The following TVP23C variants were observed in gnomAD, a reference collection of about 807,000 sequenced individuals.
The protein encoded by TVP23C is Golgi apparatus membrane protein TVP23 homolog C.
A neutral mutation model predicts 28.7 loss-of-function variants in TVP23C; 19 were observed. That is an observed-to-expected ratio of 0.66 (90% CI 0.46 to 0.97). The LOEUF is 0.97. Among genes scored for constraint, TVP23C ranks in the 50% least tolerant of loss-of-function variants. The pLI is 0.00. For synonymous variants in TVP23C, 68 were observed against 81.7 expected (o/e 0.83, Z 0.90); for missense variants, 186 against 241.3 (o/e 0.77, Z 1.52).
At chr17:15,542,696 C>T (rs180689942) in intron 5 of TVP23C, among the ~76,000 whole-genome samples, 1 of 152,166 alleles carries the variant, frequency 6.6e-6, no homozygotes, top group South Asian at 2.1e-4. Flanking sequence ...AGGATGGTCT[C>T]GATCTCCTGA....
chr17:15,509,206 C>T (rs1315502168), intron 5 of TVP23C, among the ~76,000 whole-genome samples: 4 of 152,204 alleles, frequency 2.6e-5, no homozygotes, highest in Admixed American at 2.6e-4. Flanking sequence ...TGTCCTCCAA[C>T]CAGAGTAATA....
Position 15,502,731 on chromosome 17 carries a change from T to TC in TVP23C, c.*132_*133insG. The TC allele has an allele frequency of 3.0e-5, 25 of 833,890 alleles. No homozygotes were observed. In the South Asian group the frequency reaches 6.2e-4, roughly 21 times the overall value. The allele number at this position is 833,890 out of a possible 1,614,324, so 51.7% of individuals were successfully genotyped here. ...TCTTTCTCTCTCTCCTCTCTCTCTC[T>TC]TTCTCTCTCCTCTCTCCCGTCTCTT... On this transcript the variant is annotated 3_prime_UTR_variant, in exon 6 of 6. Coordinates refer to the TVP23C transcript ENST00000225576.
At chr17:15,507,011 A>G in intron 5 of TVP23C, 1 of 1,304,646 alleles carries the variant, frequency 7.7e-7, no homozygotes, top group Non-Finnish European at 1.1e-6. Context: ...TTTGGTTATA[A>G]GGGTTCCTGC....
intron 5 of TVP23C, among the ~76,000 whole-genome samples, chr17:15,514,461 G>A (rs1010000330): frequency 3.9e-5 from 6 of 152,138 alleles, no homozygotes; most frequent in African/African-American, 9.7e-5. Context: ...TTAAAGAAGC[G>A]TGTGCATGCT....
intron 5 of TVP23C, among the ~76,000 whole-genome samples, chr17:15,525,419 T>C (rs1403741393): frequency 6.6e-6 from 1 of 152,252 alleles, no homozygotes; most frequent in Non-Finnish European, 1.5e-5. Flanking sequence ...TAGATGTGGC[T>C]AACATCTACA....
chr17:15,507,403 C>G (rs1981803543), intron 5 of TVP23C: 3 of 601,690 alleles, frequency 5.0e-6, no homozygotes, highest in East Asian at 3.1e-5. Flanking sequence ...TTCTGTAGCT[C>G]AGAGAGAGCA....
chr17:15,539,325 C>T lies in TVP23C; in HGVS notation c.*1087G>A, dbSNP rs527377937. The T allele has an allele frequency of 4.1e-6, 4 of 985,512 alleles. No individual in the cohort carries two copies. The highest frequency in any genetic ancestry group is 6.1e-5 in the Admixed American group (1 of 16,292). 61.0% of individuals were successfully genotyped at this position (985,512 alleles called of 1,614,324 possible). ...TATTACTCATATAAAGACCTAGTCACGGCCAGGCGCCGTGGCTCACGCCTG... is the reference window on the plus strand; with the variant it reads ...TATTACTCATATAAAGACCTAGTCATGGCCAGGCGCCGTGGCTCACGCCTG... On this transcript the variant is annotated 3_prime_UTR_variant, in exon 6 of 6. Coordinates refer to ENST00000518321, the MANE Select transcript of TVP23C (RefSeq NM_001135036.2).
At position 15,538,937 on chromosome 17, in the gene TVP23C, A is replaced by T. The variant is rs1290314544; in HGVS notation, c.*1475T>A. ...TGAATATTCATTTTCTCTACTTTTCATCTTCTGTGAGAGAAACTGTACAGT... is the reference window on the plus strand; with the variant it reads ...TGAATATTCATTTTCTCTACTTTTCTTCTTCTGTGAGAGAAACTGTACAGT... On this transcript the variant is annotated 3_prime_UTR_variant, in exon 6 of 6. Transcript: ENST00000518321. 1.0e-6 allele frequency: 1 copy of T among 985,876 alleles called. No individual in the cohort carries two copies. Among genetic ancestry groups the T allele is most frequent in the African/African-American group, 1.7e-5 (1 of 57,368 alleles). The allele number at this position is 985,876 out of a possible 1,614,324, so 61.1% of individuals were successfully genotyped here.
At chr17:15,549,988 A>C (rs901946019) in intron 3 of TVP23C, among the ~76,000 whole-genome samples, 11 of 151,734 alleles carry the variant, frequency 7.2e-5, no homozygotes, top group African/African-American at 2.7e-4. Flanking sequence ...TTTTCAAAGA[A>C]TGCTCTCAGA....
intron 5 of TVP23C, among the ~76,000 whole-genome samples, chr17:15,511,279 G>C (rs1431424503): frequency 6.6e-6 from 1 of 152,120 alleles, no homozygotes; most frequent in Non-Finnish European, 1.5e-5. Flanking sequence ...AGGTTATTAT[G>C]AGCAAACAAT....
intron 3 of TVP23C, among the ~76,000 whole-genome samples, chr17:15,548,226 G>A (rs1983730287): frequency 6.6e-6 from 1 of 152,150 alleles, no homozygotes; most frequent in South Asian, 2.1e-4. Context: ...GCATGCAACG[G>A]GGCGATCTCA....
chr17:15,562,921 G>A (rs1056171446), intron 1 of TVP23C: 1 of 155,022 alleles, frequency 6.5e-6, no homozygotes, highest in African/African-American at 2.4e-5. Flanking sequence ...ATAAACAGTA[G>A]TTTTTTCTAA....
chr17:15,532,526 G>A (rs1299260293), downstream of TVP23C, among the ~76,000 whole-genome samples: 1 of 152,162 alleles, frequency 6.6e-6, no homozygotes, highest in African/African-American at 2.4e-5. Flanking sequence ...GAAGAAAATG[G>A]GGACAGGACA....
chr17:15,561,497 G>C (rs965847285), intron 1 of TVP23C, among the ~76,000 whole-genome samples: 6 of 152,114 alleles, frequency 3.9e-5, no homozygotes, highest in African/African-American at 1.4e-4. Context: ...TACTCTGGAG[G>C]GTGAGGCAGA....
chr17:15,513,728 T>A (rs35406616), intron 5 of TVP23C, among the ~76,000 whole-genome samples: 17,238 of 152,218 alleles, frequency 0.11, 1,132 homozygotes, highest in Middle Eastern at 0.18. Context: ...CAGCAAGACA[T>A]GAGCAGCAGA....
At chr17:15,531,877 G>A (rs796236882) in intron 5 of TVP23C, among the ~76,000 whole-genome samples, 20 of 152,308 alleles carry the variant, frequency 1.3e-4, no homozygotes, top group African/African-American at 4.6e-4. Flanking sequence ...TGGCAACTCT[G>A]CAAATCAGAT....
intron 5 of TVP23C, among the ~76,000 whole-genome samples, chr17:15,519,907 A>G (rs1247775633): frequency 6.6e-6 from 1 of 152,206 alleles, no homozygotes; most frequent in Non-Finnish European, 1.5e-5. Flanking sequence ...GTCTCAAACA[A>G]ACAAACAAAA....
chr17:15,535,786 A>G (rs1241059794), downstream of TVP23C, among the ~76,000 whole-genome samples: 1 of 152,240 alleles, frequency 6.6e-6, no homozygotes, highest in African/African-American at 2.4e-5. Context: ...ATAATCATGG[A>G]TAATGCTCAA....
chr17:15,502,835 G>A, exon 6 of TVP23C: 1 of 1,534,380 alleles, frequency 6.5e-7, no homozygotes, highest in Non-Finnish European at 8.8e-7. Flanking sequence ...TCTCTCTCCT[G>A]CGAGGAGCTT....
Sources: gnomAD v4.1 joint callset for allele counts (sites outside exome capture counted in the v4.1 genomes callset) on GRCh38, gnomAD v4.1.1 for gene constraint, MANE v1.5 for transcripts, NCBI Gene and HGNC (gene_info 2026-07-23, HGNC 2026-07-21) for gene names.